Variants in GRID1 observed in about 807,000 individuals in gnomAD.
GRID1 encodes glutamate receptor ionotropic, delta-1.
GRID1 carries 28 observed loss-of-function variants against 98.0 expected under a neutral mutation model. The ratio of observed to expected loss-of-function variants is 0.29; its 90% CI spans 0.21 to 0.39. The LOEUF (loss-of-function observed/expected upper bound fraction) is 0.39, where lower values mean the gene tolerates loss of function less well. Among genes scored for constraint, GRID1 ranks in the 10% least tolerant of loss-of-function variants. GRID1 has a pLI of 1.00. For synonymous variants in GRID1, 553 were observed against 538.5 expected (o/e 1.03, Z -0.37); for missense variants, 1,111 against 1,340.5 (o/e 0.83, Z 2.67).
At chr10:85,912,505 T>A (rs115471111) in intron 5 of GRID1, among the ~76,000 whole-genome samples, 7,518 of 152,270 alleles carry the variant, frequency 0.049, 490 homozygotes, top group African/African-American at 0.16. Flanking sequence ...CCCTCAAGTG[T>A]TTATTCTGAA....
At chr10:86,131,441 G>A (rs1435032338) in intron 4 of GRID1, among the ~76,000 whole-genome samples, 3 of 152,192 alleles carry the variant, frequency 2.0e-5, no homozygotes, top group Non-Finnish European at 4.4e-5. Flanking sequence ...ATACTCTGCA[G>A]GGAGGAGCTG....
At chr10:85,820,071 AAGGC>A (rs1564600285) in intron 8 of GRID1, among the ~76,000 whole-genome samples, 3 of 85,348 alleles carry the variant, frequency 3.5e-5, no homozygotes, top group African/African-American at 6.6e-5. Flanking sequence ...GGCAGGCAGG[AAGGC>A]AGGTAGGCAG....
intron 12 of GRID1, among the ~76,000 whole-genome samples, chr10:85,656,874 C>T (rs1280374395): frequency 6.6e-6 from 1 of 152,134 alleles, no homozygotes; most frequent in Non-Finnish European, 1.5e-5. Context: ...CTAGGAAGGC[C>T]AAGCAGAGTG....
At chr10:85,837,795 G>A (rs1166816915) in intron 8 of GRID1, among the ~76,000 whole-genome samples, 1 of 152,170 alleles carries the variant, frequency 6.6e-6, no homozygotes, top group Non-Finnish European at 1.5e-5. Flanking sequence ...CAAGGGTTCA[G>A]AACCAGACTG....
intron 2 of GRID1, among the ~76,000 whole-genome samples, chr10:86,255,017 C>T (rs907236368): frequency 6.6e-6 from 1 of 152,154 alleles, no homozygotes; most frequent in Non-Finnish European, 1.5e-5. Flanking sequence ...CCTCCACACC[C>T]CCAAGACCAG....
intron 2 of GRID1, among the ~76,000 whole-genome samples, chr10:86,293,385 C>A (rs1387902369): frequency 1.3e-5 from 2 of 152,148 alleles, no homozygotes; most frequent in African/African-American, 4.8e-5. Flanking sequence ...CTGCAGCTAC[C>A]CCCACAAGCT....
At chr10:85,620,495 C>T (rs1019985916) in intron 13 of GRID1, among the ~76,000 whole-genome samples, 1 of 151,474 alleles carries the variant, frequency 6.6e-6, no homozygotes, top group Non-Finnish European at 1.5e-5. Context: ...GATATTTCTA[C>T]TTAGAACTTG....
chr10:86,036,253 A>G (rs1310844477), intron 4 of GRID1, among the ~76,000 whole-genome samples: 1 of 152,184 alleles, frequency 6.6e-6, no homozygotes, highest in African/African-American at 2.4e-5. Flanking sequence ...CAGACTCTCC[A>G]TGAGGCCATC....
intron 13 of GRID1, among the ~76,000 whole-genome samples, chr10:85,628,300 A>T (rs1306450829): frequency 6.7e-6 from 1 of 150,036 alleles, no homozygotes; most frequent in Admixed American, 6.6e-5. Context: ...GAATTATGTG[A>T]GTGTGTACAT....
chr10:86,008,908 C>T (rs932770645), intron 4 of GRID1, among the ~76,000 whole-genome samples: 4 of 152,112 alleles, frequency 2.6e-5, no homozygotes, highest in African/African-American at 9.7e-5. Flanking sequence ...CAGGAAGCAG[C>T]ACAAAAATGT....
chr10:85,731,936 A>C (rs1333907167), intron 8 of GRID1, among the ~76,000 whole-genome samples: 17 of 148,880 alleles, frequency 1.1e-4, no homozygotes, highest in Admixed American at 8.0e-4. Flanking sequence ...AGAGAGAGAG[A>C]AGGGAAGGGA....
intron 10 of GRID1, among the ~76,000 whole-genome samples, chr10:85,726,771 G>A (rs1363260944): frequency 6.6e-6 from 1 of 152,144 alleles, no homozygotes; most frequent in East Asian, 1.9e-4. Context: ...GGGTGGGAAT[G>A]GCATTAACTA....
chr10:86,089,554 G>A (rs913676094), intron 4 of GRID1, among the ~76,000 whole-genome samples: 3 of 152,164 alleles, frequency 2.0e-5, no homozygotes, highest in African/African-American at 7.2e-5. Flanking sequence ...AAAGATCCAG[G>A]AAGAACTCAA....
chr10:85,772,742 C>T (rs1025838176), intron 8 of GRID1, among the ~76,000 whole-genome samples: 4 of 152,110 alleles, frequency 2.6e-5, no homozygotes, highest in Admixed American at 6.6e-5. Flanking sequence ...ATAAATTCCT[C>T]GACACATACA....
At chr10:85,744,491 A>G (rs1841979542) in intron 8 of GRID1, among the ~76,000 whole-genome samples, 1 of 148,936 alleles carries the variant, frequency 6.7e-6, no homozygotes, top group South Asian at 2.2e-4. Context: ...TATTTAATAA[A>G]TGGTGCTGGG....
At chr10:85,699,036 G>A (rs888055691) in intron 12 of GRID1, among the ~76,000 whole-genome samples, 1 of 151,662 alleles carries the variant, frequency 6.6e-6, no homozygotes, top group African/African-American at 2.4e-5. Context: ...TTGTTTTGGG[G>A]TTTTGTTTTG....
chr10:86,040,803 C>T (rs370252757), intron 4 of GRID1, among the ~76,000 whole-genome samples: 1 of 152,126 alleles, frequency 6.6e-6, no homozygotes, highest in Non-Finnish European at 1.5e-5. Flanking sequence ...TGCTAATTAC[C>T]CCGATCTGAT....
At chr10:85,918,445 G>C (rs1168044259) in intron 4 of GRID1, among the ~76,000 whole-genome samples, 1 of 152,186 alleles carries the variant, frequency 6.6e-6, no homozygotes, top group East Asian at 1.9e-4. Flanking sequence ...CTGGGCTCTA[G>C]CTCAACTCAT....
At chr10:86,088,364 C>T (rs1412539369) in intron 4 of GRID1, among the ~76,000 whole-genome samples, 1 of 152,216 alleles carries the variant, frequency 6.6e-6, no homozygotes, top group African/African-American at 2.4e-5. Flanking sequence ...AAATATCCCC[C>T]ACTTGAGATT....
Sources: gnomAD v4.1 joint callset for allele counts (sites outside exome capture counted in the v4.1 genomes callset) on GRCh38, gnomAD v4.1.1 for gene constraint, MANE v1.5 for transcripts, NCBI Gene and HGNC (gene_info 2026-07-23, HGNC 2026-07-21) for gene names.